The following STK39 variants were observed in gnomAD, a reference collection of about 807,000 sequenced individuals.
The protein encoded by STK39 is serine/threonine kinase 39, also known as STE20/SPS1-related proline-alanine-rich protein kinase.
STK39 carries 20 observed loss-of-function variants against 77.8 expected under a neutral mutation model. The observed-to-expected ratio is 0.26, with a 90% confidence interval of 0.18 to 0.37. The LOEUF (loss-of-function observed/expected upper bound fraction) is 0.37, where lower values mean the gene tolerates loss of function less well. Among genes scored for constraint, STK39 ranks in the 10% least tolerant of loss-of-function variants. STK39 has a pLI of 1.00. For missense variants in STK39, 479 were observed against 656.5 expected (o/e 0.73, Z 2.95); for synonymous variants, 246 against 234.1 (o/e 1.05, Z -0.47).
chr2:168,068,386 G>A (rs1001147830), intron 12 of STK39, among the ~76,000 whole-genome samples: 1 of 152,076 alleles, frequency 6.6e-6, no homozygotes, highest in African/African-American at 2.4e-5. Context: ...TCCTGTTTTC[G>A]CAAATATTAT....
At chr2:168,020,339 A>G (rs1213463301) in intron 14 of STK39, among the ~76,000 whole-genome samples, 1 of 152,184 alleles carries the variant, frequency 6.6e-6, no homozygotes, top group Non-Finnish European at 1.5e-5. Context: ...AACCTCTGTA[A>G]TATCAGGCTT....
At chr2:167,960,017 G>A (rs564432722) in intron 17 of STK39, among the ~76,000 whole-genome samples, 2 of 152,242 alleles carry the variant, frequency 1.3e-5, no homozygotes, top group South Asian at 4.1e-4. Flanking sequence ...TTCAGAACAC[G>A]CTACCCCAAA....
Position 168,163,783 on chromosome 2 carries a change from A to G in STK39, c.528T>C (p.Val176=), listed in dbSNP as rs1234036087. The G allele has an allele frequency of 1.9e-6, 3 of 1,613,602 alleles. No individual in the cohort carries two copies. In the Admixed American group the frequency reaches 5.0e-5, roughly 27 times the overall value. ...EAIIATILKE[V]LEGLDYLHRN... ...TGTGTAGATAGTCTAAGCCTTCCAA[A>G]ACCTCTTTAAGAATTGTTGCTATTA... The change falls in exon 4 of 18, where the codon GTT becomes GTC. Residue 176 remains valine, a synonymous_variant. Coordinates refer to ENST00000355999, the MANE Select transcript of STK39 (RefSeq NM_013233.3).
chr2:168,148,794 C>T (rs1278817646), intron 5 of STK39, among the ~76,000 whole-genome samples: 1 of 152,066 alleles, frequency 6.6e-6, no homozygotes, highest in Non-Finnish European at 1.5e-5. Context: ...ATCAATAATC[C>T]CTAAAACTAA....
intron 10 of STK39, among the ~76,000 whole-genome samples, chr2:168,091,601 T>A (rs1173792045): frequency 6.6e-6 from 1 of 152,200 alleles, no homozygotes; most frequent in African/African-American, 2.4e-5. Flanking sequence ...CTGACAGGTG[T>A]GACACGCTGA....
intron 5 of STK39, among the ~76,000 whole-genome samples, chr2:168,141,431 T>C (rs1250936106): frequency 6.6e-6 from 1 of 152,328 alleles, no homozygotes; most frequent in East Asian, 1.9e-4. Flanking sequence ...ATTTGGAACA[T>C]TTGAGATTTC....
chr2:168,101,970 C>T (rs1292066591), intron 10 of STK39, among the ~76,000 whole-genome samples: 2 of 152,068 alleles, frequency 1.3e-5, no homozygotes, highest in Non-Finnish European at 2.9e-5. Flanking sequence ...CCTAGGCAAC[C>T]ATTAATCTAC....
intron 10 of STK39, among the ~76,000 whole-genome samples, chr2:168,080,486 C>T (rs1159016379): frequency 2.6e-5 from 4 of 152,136 alleles, no homozygotes; most frequent in South Asian, 2.1e-4. Context: ...AAAAATTAGC[C>T]GGGCGTGGTG....
intron 10 of STK39, among the ~76,000 whole-genome samples, chr2:168,106,647 C>T (rs1686981654): frequency 6.6e-6 from 1 of 151,932 alleles, no homozygotes; most frequent in South Asian, 2.1e-4. Context: ...TAGAGAAACC[C>T]CATCTCTACA....
chr2:168,228,938 C>T (rs2105256305), intron 1 of STK39, among the ~76,000 whole-genome samples: 1 of 152,298 alleles, frequency 6.6e-6, no homozygotes, highest in Non-Finnish European at 1.5e-5. Flanking sequence ...ACGTCCAGAC[C>T]TGTCTTCCAA....
rs150786936 is a variant in STK39, at chr2:168,159,323, C to A, written c.628+2464G>T. Among the ~76,000 whole-genome samples the A allele has an allele frequency of 7.9e-3, 1,194 of 152,098 alleles. 14 individuals carry two copies. The highest frequency in any genetic ancestry group is 0.027 in the African/African-American group (1,132 of 41,472). On this transcript the variant is annotated intron_variant, in intron 5 of 17. Coordinates refer to ENST00000355999, the MANE Select transcript of STK39 (RefSeq NM_013233.3). ...TGTCCAGGTAGCAACAAAAAGGGAC[C>A]GTCTCACCCCTGCCGTTGCTGAGTC...
intron 1 of STK39, among the ~76,000 whole-genome samples, chr2:168,226,833 G>A (rs2030165): frequency 0.38 from 57,678 of 151,972 alleles, 11,901 homozygotes; most frequent in Non-Finnish European, 0.48. Context: ...CACTGGCCCT[G>A]GCCATCTGAA....
At chr2:168,128,073 C>G (rs1241668571) in intron 10 of STK39, among the ~76,000 whole-genome samples, 1 of 152,066 alleles carries the variant, frequency 6.6e-6, no homozygotes. Flanking sequence ...TAACAAGGAG[C>G]TGGAGTGTGA....
chr2:168,019,598 C>A (rs1003689934), intron 14 of STK39, among the ~76,000 whole-genome samples: 4 of 152,184 alleles, frequency 2.6e-5, no homozygotes, highest in Non-Finnish European at 5.9e-5. Flanking sequence ...GACTAAAGAA[C>A]CCTGCCCTGG....
At position 168,020,390 on chromosome 2, in the gene STK39, C is replaced by T. The variant is rs113337822; in HGVS notation, c.1377-3295G>A. ...TTACAATTGTTTCTGCAAGCTGTTG[C>T]AATGTTGAATGTTACAGACACAGGA... is the stretch of plus-strand genomic sequence containing the variant. On this transcript the variant is annotated intron_variant, in intron 14 of 17. Coordinates refer to ENST00000355999, the MANE Select transcript of STK39 (RefSeq NM_013233.3). 2.8e-3 allele frequency among the ~76,000 whole-genome samples: 431 copies of T among 152,118 alleles called. 1 individual carries two copies. Among genetic ancestry groups the T allele is most frequent in the African/African-American group, 9.8e-3 (409 of 41,526 alleles).
chr2:168,211,707 A>C (rs1689895712), intron 1 of STK39, among the ~76,000 whole-genome samples: 2 of 152,186 alleles, frequency 1.3e-5, no homozygotes, highest in South Asian at 4.1e-4. Flanking sequence ...GTCTCTGAGG[A>C]GCTCATGAGA....
intron 1 of STK39, among the ~76,000 whole-genome samples, chr2:168,211,941 T>C (rs201961195): frequency 6.6e-6 from 1 of 152,242 alleles, no homozygotes; most frequent in East Asian, 1.9e-4. Context: ...GGTGGTTAAC[T>C]GCCCCACTCT....
chr2:168,177,006 A>G (rs1688971349), intron 2 of STK39, among the ~76,000 whole-genome samples: 1 of 152,198 alleles, frequency 6.6e-6, no homozygotes, highest in Non-Finnish European at 1.5e-5. Flanking sequence ...TCACACAAAT[A>G]AGGACCAGTG....
At chr2:167,993,282 C>T (rs904156029) in intron 16 of STK39, among the ~76,000 whole-genome samples, 3 of 152,206 alleles carry the variant, frequency 2.0e-5, no homozygotes, top group African/African-American at 7.2e-5. Flanking sequence ...CAGAGATGGG[C>T]ATAAGCCAGT....
Sources: allele counts gnomAD v4.1 joint callset (sites outside exome capture counted in the v4.1 genomes callset), GRCh38; gene constraint gnomAD v4.1.1; transcripts MANE v1.5; gene names NCBI Gene and HGNC (gene_info 2026-07-23, HGNC 2026-07-21).